Variants in PCDHGA2 observed in about 807,000 individuals in gnomAD.
The protein encoded by PCDHGA2 is protocadherin gamma subfamily A, 2.
PCDHGA2 carries 40 observed loss-of-function variants against 59.2 expected under a neutral mutation model. The observed-to-expected ratio is 0.68, with a 90% CI of 0.52 to 0.88. PCDHGA2 has a LOEUF of 0.88. PCDHGA2 is among the 40% of genes least tolerant of loss of function. The pLI, the probability that PCDHGA2 is intolerant of heterozygous loss-of-function variation, is 0.00. For missense variants in PCDHGA2, 1,226 were observed against 1,204.0 expected (o/e 1.02, Z -0.27); for synonymous variants, 560 against 526.0 (o/e 1.06, Z -0.89).
At chr5:141,343,707 G>A (rs546642238) in intron 1 of PCDHGA2, 33 of 218,796 alleles carry the variant, frequency 1.5e-4, no homozygotes, top group African/African-American at 6.6e-4. Flanking sequence ...CTGACAAGAA[G>A]GATTTCAGAT....
In PCDHGA2 at chr5:141,432,021, C is replaced by G. The variant is rs746940912; in HGVS notation, c.2425-62786C>G. 1.9e-5 allele frequency: 30 copies of G among 1,614,076 alleles called. No individual in the cohort carries two copies. The highest frequency in any genetic ancestry group is 2.7e-5 in the African/African-American group (2 of 74,922). Reference sequence around the variant, plus strand: ...GAACAGGTTCCTAGCTACAACATCACAGTGACCGCCACTGACCGGGGAACC... The same window carrying G: ...GAACAGGTTCCTAGCTACAACATCAGAGTGACCGCCACTGACCGGGGAACC... On this transcript the variant is annotated intron_variant, in intron 1 of 3. Transcript: ENST00000394576. The surrounding 1 kb of genome is among the most constrained non-coding windows in gnomAD (Gnocchi z 6.0).
chr5:141,425,742 A>T (rs1315830227), intron 1 of PCDHGA2, among the ~76,000 whole-genome samples: 1 of 152,246 alleles, frequency 6.6e-6, no homozygotes, highest in Non-Finnish European at 1.5e-5. Flanking sequence ...GTTTTCCCAC[A>T]AGGTTTTTGT....
At chr5:141,383,066 C>T (rs1305703893) in intron 1 of PCDHGA2, 1 of 1,613,826 alleles carries the variant, frequency 6.2e-7, no homozygotes, top group Admixed American at 1.7e-5. Flanking sequence ...GGGCTGGAGC[C>T]CCGGGAGCTG....
chr5:141,344,108 A>G (rs757869055), intron 1 of PCDHGA2: 4 of 1,613,966 alleles, frequency 2.5e-6, no homozygotes, highest in Non-Finnish European at 3.4e-6. Context: ...CGCTGTGCGA[A>G]ACAGGATCCG....
At chr5:141,380,313 G>A (rs535275197) in intron 1 of PCDHGA2, among the ~76,000 whole-genome samples, 53 of 152,244 alleles carry the variant, frequency 3.5e-4, no homozygotes, top group Non-Finnish European at 5.4e-4. Flanking sequence ...GCTTGAGAAT[G>A]AAAATCTAAA....
At chr5:141,404,396 A>C (rs2094523935) in intron 1 of PCDHGA2, 2 of 1,613,816 alleles carry the variant, frequency 1.2e-6, no homozygotes, top group Non-Finnish European at 1.7e-6. Context: ...CCCTGATAGC[A>C]ATGAGAATTC....
Position 141,425,635 on chromosome 5 carries a change from T to C in PCDHGA2, c.2425-69172T>C, listed in dbSNP as rs376675545. On this transcript the variant is annotated intron_variant, in intron 1 of 3. Coordinates refer to ENST00000394576, the MANE Select transcript of PCDHGA2 (RefSeq NM_018915.4). ...TCAGTGCTCCTCCAGTTTTCTCTGA[T>C]AAAACTAGGAGGAAAATTATCTGCA... Among the ~76,000 whole-genome samples, 51 of 152,354 alleles carry C rather than the reference T, an allele frequency of 3.3e-4. 1 individual carries two copies. The South Asian group carries it at 0.01, about 30-fold the overall frequency.
Position 141,339,270 on chromosome 5 carries a change from C to G in PCDHGA2, c.299C>G (p.Ala100Gly). 1 of 1,614,256 alleles carries G rather than the reference C, an allele frequency of 6.2e-7. No homozygotes were observed. The highest frequency in any genetic ancestry group is 8.5e-7 in the Non-Finnish European group (1 of 1,180,046). The change falls in exon 1 of 4, where the codon GCA (alanine) becomes GGA (glycine). Residue 100 changes from alanine to glycine, a missense_variant. Ala to Gly is a moderately conservative substitution (Grantham distance 60). Coordinates refer to ENST00000394576, the MANE Select transcript of PCDHGA2 (RefSeq NM_018915.4). Reference sequence around the variant, plus strand: ...CGGGAGGAGCTCTGCGCTCAGAGCGCACCCTGTCTGTTGAATTTTAACATT... The same window carrying G: ...CGGGAGGAGCTCTGCGCTCAGAGCGGACCCTGTCTGTTGAATTTTAACATT... ...IDREELCAQS[A>G]PCLLNFNILL...
At chr5:141,357,280 G>A (rs375096659) in intron 1 of PCDHGA2, 7 of 1,613,820 alleles carry the variant, frequency 4.3e-6, no homozygotes, top group African/African-American at 2.7e-5. Flanking sequence ...ACTCTATCTC[G>A]TGGTGGCAGT....
chr5:141,402,825 A>G, intron 1 of PCDHGA2: 1 of 1,320,620 alleles, frequency 7.6e-7, no homozygotes, highest in Non-Finnish European at 1.0e-6. Flanking sequence ...ACCTGCTCCC[A>G]GGCTGCAGCA....
intron 1 of PCDHGA2, chr5:141,404,338 G>A (rs752211796): frequency 1.9e-5 from 30 of 1,613,686 alleles, no homozygotes; most frequent in Non-Finnish European, 2.4e-5. Flanking sequence ...TCTACCTCCC[G>A]GAAAACAACG....
intron 1 of PCDHGA2, among the ~76,000 whole-genome samples, chr5:141,465,360 C>T (rs1238387777): frequency 6.6e-6 from 1 of 151,940 alleles, no homozygotes; most frequent in Non-Finnish European, 1.5e-5. Context: ...AAAATGGGTG[C>T]CCTTTAAAGT....
At chr5:141,357,029 A>G (rs1217992138) in intron 1 of PCDHGA2, 1 of 1,614,042 alleles carries the variant, frequency 6.2e-7, no homozygotes, top group South Asian at 1.1e-5. Context: ...AGCCTACTCA[A>G]GTCCAGCGAG....
At chr5:141,370,427 A>G (rs372276982) in intron 1 of PCDHGA2, 205 of 1,590,086 alleles carry the variant, frequency 1.3e-4, no homozygotes, top group Non-Finnish European at 1.7e-4. Context: ...GGGGCCCAGC[A>G]GGGCAGAGGC....
intron 1 of PCDHGA2, chr5:141,357,343 A>C: frequency 6.2e-7 from 1 of 1,614,080 alleles, no homozygotes; most frequent in Non-Finnish European, 8.5e-7. Flanking sequence ...GCTAGCACTC[A>C]AGCTGAGACG....
intron 1 of PCDHGA2, among the ~76,000 whole-genome samples, chr5:141,450,726 A>G (rs1302961852): frequency 2.0e-5 from 3 of 151,932 alleles, no homozygotes; most frequent in Admixed American, 2.0e-4. Flanking sequence ...ACCTCAGGTG[A>G]TCCGCCCGCC....
At chr5:141,509,128 A>C (rs995210331) in intron 3 of PCDHGA2, among the ~76,000 whole-genome samples, 8 of 151,958 alleles carry the variant, frequency 5.3e-5, no homozygotes, top group African/African-American at 1.7e-4. Flanking sequence ...TGAAGAGAAA[A>C]ACCGAGGCGC....
intron 1 of PCDHGA2, chr5:141,364,424 C>G: frequency 1.9e-6 from 3 of 1,613,572 alleles, no homozygotes; most frequent in Non-Finnish European, 1.7e-6. Flanking sequence ...CGGGCAGATC[C>G]GCTACTCGAT....
In PCDHGA2 at chr5:141,393,531, C is replaced by T. The variant is rs997965420; in HGVS notation, c.2424+52136C>T. On this transcript the variant is annotated intron_variant, in intron 1 of 3. Transcript: ENST00000394576. ...AGTGTTGGATACAAATGACAATGCC[C>T]CGGTTTTTCCTCACCCGATTTACCG... 4 of 1,613,890 alleles carry T rather than the reference C, an allele frequency of 2.5e-6. No individual in the cohort carries two copies. Among genetic ancestry groups the T allele is most frequent in the African/African-American group, 2.7e-5 (2 of 74,946 alleles).
Sources: allele counts gnomAD v4.1 joint callset (sites outside exome capture counted in the v4.1 genomes callset), GRCh38; gene constraint gnomAD v4.1.1; non-coding constraint Gnocchi (gnomAD v3.1); transcripts MANE v1.5; gene names NCBI Gene and HGNC (gene_info 2026-07-23, HGNC 2026-07-21).